GNAT2: variants seen among roughly 807,000 people sequenced by gnomAD.
The protein encoded by GNAT2 is guanine nucleotide-binding protein G(t) subunit alpha-2.
GNAT2 carries 32 observed loss-of-function variants against 40.9 expected under a neutral mutation model. The ratio of observed to expected loss-of-function variants is 0.78; its 90% CI spans 0.59 to 1.05. The LOEUF is 1.05. Ranked by LOEUF, GNAT2 falls within the 50% of genes least tolerant of loss-of-function variation. The pLI, the probability that GNAT2 is intolerant of heterozygous loss-of-function variation, is 0.00. For missense variants in GNAT2, 355 were observed against 431.5 expected (o/e 0.82, Z 1.57); for synonymous variants, 141 against 157.2 (o/e 0.90, Z 0.77).
intron 5 of GNAT2, chr1:109,606,775 T>C: frequency 3.0e-6 from 1 of 329,704 alleles, no homozygotes; most frequent in South Asian, 2.6e-5. Flanking sequence ...GGCAGTAAAT[T>C]GAAAGAGACT....
intron 1 of GNAT2, chr1:109,613,202 TCTG>T (rs1649854690): frequency 2.8e-6 from 1 of 358,910 alleles, no homozygotes; most frequent in Non-Finnish European, 5.4e-6. Flanking sequence ...AGGGAAATGA[TCTG>T]CTGGGTTCTG....
rs187755113 is a variant in GNAT2, at chr1:109,606,163, T to G, written c.591-64A>C. Reference sequence around the variant, plus strand: ...CATACGACCTATATGCCTTTGATGGTCACCCCGTGAAGTGGGAGAGGAAAA... The same window carrying G: ...CATACGACCTATATGCCTTTGATGGGCACCCCGTGAAGTGGGAGAGGAAAA... On this transcript the variant is annotated intron_variant, in intron 6 of 8. Coordinates refer to ENST00000679935, the MANE Select transcript of GNAT2 (RefSeq NM_001377295.2). 3.7e-3 allele frequency: 5,845 copies of G among 1,597,258 alleles called. 13 individuals carry two copies. Among genetic ancestry groups the G allele is most frequent in the Non-Finnish European group, 4.5e-3 (5,285 of 1,164,824 alleles).
Position 109,608,697 on chromosome 1 carries a change from T to A in GNAT2, c.395A>T (p.Lys132Met). 1.2e-6 allele frequency: 2 copies of A among 1,614,032 alleles called. No homozygotes were observed. Among genetic ancestry groups the A allele is most frequent in the Non-Finnish European group, 1.7e-6 (2 of 1,179,910 alleles). Residue 132 changes from lysine to methionine, a missense_variant, in exon 5 of 9, where the codon AAG becomes ATG. Transcript: ENST00000679935. ...GAAGCAGGCTTGCACCCCACCATCC[T>A]TCCACAACCTCCTAATGACCTCCAC... ...ELVEVIRRLW[K>M]DGGVQACFER... is the part of the protein sequence containing the mutation.
intron 5 of GNAT2, chr1:109,606,671 T>C: frequency 2.0e-6 from 1 of 488,804 alleles, no homozygotes; most frequent in Non-Finnish European, 3.7e-6. Flanking sequence ...CGCATTTAAA[T>C]CAAGTTAGAT....
chr1:109,606,492 C>CAG, intron 5 of GNAT2, 56 bp from the exon 6 acceptor site: 1 of 1,491,902 alleles, frequency 6.7e-7, no homozygotes, highest in Non-Finnish European at 9.4e-7. Flanking sequence ...GGCTAAGAGA[C>CAG]GTAAAAGGTA....
chr1:109,615,479 A>G (rs1471261229), intron 1 of GNAT2: 1 of 152,332 alleles, frequency 6.6e-6, no homozygotes, highest in East Asian at 1.9e-4. Flanking sequence ...TAAAAAAAAT[A>G]CAAAAATTAG....
chr1:109,612,642 A>G, intron 2 of GNAT2, 111 bp downstream of exon 2: 1 of 773,398 alleles, frequency 1.3e-6, no homozygotes, highest in Non-Finnish European at 2.3e-6. Context: ...AGAGGAGAGG[A>G]AAAATGACCT....
At chr1:109,603,676 A>G in intron 8 of GNAT2, 132 bp from the exon 9 acceptor site, 2 of 725,728 alleles carry the variant, frequency 2.8e-6, no homozygotes, top group South Asian at 1.5e-5. Flanking sequence ...TTTTGGAGGG[A>G]AGATTCTCTA....
chr1:109,604,835 T>C (rs1207550024), intron 7 of GNAT2: 2 of 153,302 alleles, frequency 1.3e-5, no homozygotes, highest in Non-Finnish European at 2.9e-5. Flanking sequence ...AACAATCCCA[T>C]TTGTGGCTTT....
chr1:109,608,971 C>T, intron 4 of GNAT2, 183 bp from the exon 5 acceptor site: 1 of 659,886 alleles, frequency 1.5e-6, no homozygotes, highest in South Asian at 1.7e-5. Context: ...TCCCCAGATG[C>T]AGAGGGTGGC....
intron 1 of GNAT2, chr1:109,613,283 C>T (rs1349941435): frequency 6.9e-6 from 2 of 289,854 alleles, no homozygotes; most frequent in South Asian, 3.4e-5. Flanking sequence ...TCTCTTGCTT[C>T]CTTAGATTTA....
chr1:109,610,044 C>T lies in GNAT2; in HGVS notation c.299G>A (p.Cys100Tyr), dbSNP rs753011209. 8 of 1,614,086 alleles carry T rather than the reference C, an allele frequency of 5.0e-6. No homozygotes were observed. The highest frequency in any genetic ancestry group is 4.5e-5 in the East Asian group (2 of 44,886). The stretch of plus-strand genomic sequence containing the variant: ...CACATAATAGTAATCACATACCGCA[C>T]AGCTTGGTTCAGCATAATCGATGCC... ...TLGIDYAEPS[C>Y]ADDGRQLNNL... Residue 100 changes from cysteine to tyrosine, a missense_variant, in exon 4 of 9, where the codon TGT becomes TAT. Cys to Tyr is a radical substitution (Grantham distance 194). Transcript: ENST00000679935.
At chr1:109,612,330 C>G (rs1649819656) in intron 2 of GNAT2, 1 of 289,250 alleles carries the variant, frequency 3.5e-6, no homozygotes, top group African/African-American at 2.2e-5. Flanking sequence ...TTGGCACTGA[C>G]TGTATGGTGG....
intron 8 of GNAT2, 161 bp downstream of exon 8, chr1:109,603,790 C>T: frequency 1.4e-6 from 1 of 689,782 alleles, no homozygotes; most frequent in Non-Finnish European, 2.6e-6. Flanking sequence ...GGCTCTCCTG[C>T]ATCTAATGCC....
chr1:109,608,864 T>A, intron 4 of GNAT2, 76 bp from the exon 5 acceptor site: 1 of 1,116,954 alleles, frequency 9.0e-7, no homozygotes, highest in Non-Finnish European at 1.4e-6. Flanking sequence ...TACTGCTGAA[T>A]GGAAATCATT....
intron 2 of GNAT2, chr1:109,611,754 C>T (rs2101129690): frequency 6.6e-6 from 1 of 152,378 alleles, no homozygotes. Context: ...TCAGTGGCCC[C>T]ACCATCTCTG....
chr1:109,610,242 G>A (rs1649755516), intron 3 of GNAT2, 61 bp from the exon 4 acceptor site: 1 of 1,543,784 alleles, frequency 6.5e-7, no homozygotes, highest in Non-Finnish European at 9.0e-7. Context: ...AAGGGATTAG[G>A]AATTTGGGGG....
intron 6 of GNAT2, 55 bp downstream of exon 6, chr1:109,606,253 C>T: frequency 6.2e-7 from 1 of 1,601,150 alleles, no homozygotes; most frequent in Non-Finnish European, 8.6e-7. Flanking sequence ...TGCCTGTGCC[C>T]CTTTTCAGGA....
intron 1 of GNAT2, chr1:109,616,076 C>A (rs950137549): frequency 4.6e-5 from 7 of 152,230 alleles, no homozygotes; most frequent in African/African-American, 1.7e-4. Context: ...GAACTGCTAG[C>A]CCTCGCCTGG....
Sources: allele counts gnomAD v4.1 joint callset, GRCh38; gene constraint gnomAD v4.1.1; transcripts MANE v1.5; gene names NCBI Gene and HGNC (gene_info 2026-07-23, HGNC 2026-07-21).